KLHDC10: variants seen among roughly 807,000 people sequenced by gnomAD.
The protein encoded by KLHDC10 is kelch domain-containing protein 10.
KLHDC10 carries 24 observed loss-of-function variants against 56.1 expected under a neutral mutation model. The ratio of observed to expected loss-of-function variants is 0.43; its 90% CI spans 0.31 to 0.60. KLHDC10 has a LOEUF of 0.60. Among genes scored for constraint, KLHDC10 ranks in the 20% least tolerant of loss-of-function variants. KLHDC10 has a pLI of 0.11. For missense variants in KLHDC10, 349 were observed against 567.0 expected (o/e 0.62, Z 3.91); for synonymous variants, 188 against 207.1 (o/e 0.91, Z 0.79).
In KLHDC10 at chr7:130,123,919, A is replaced by G. The variant is rs532412525; in HGVS notation, c.780-532A>G. On this transcript the variant is annotated intron_variant, in intron 5 of 9. Coordinates refer to ENST00000335420, the MANE Select transcript of KLHDC10 (RefSeq NM_014997.4). Reference sequence around the variant, plus strand: ...TTATGTTATATCCACAGTTCTGTGTAGTATAATTTTCTGCTAAATAAGTAT... The same window carrying G: ...TTATGTTATATCCACAGTTCTGTGTGGTATAATTTTCTGCTAAATAAGTAT... 2.6e-5 allele frequency among the ~76,000 whole-genome samples: 4 copies of G among 152,352 alleles called. No individual in the cohort carries two copies. The East Asian group carries it at 7.7e-4, about 29-fold the overall frequency.
intron 2 of KLHDC10, among the ~76,000 whole-genome samples, chr7:130,109,918 C>T (rs1228837568): frequency 1.3e-5 from 2 of 152,212 alleles, no homozygotes; most frequent in Non-Finnish European, 2.9e-5. Flanking sequence ...GGATTACAGG[C>T]ATGACCCACC....
At chr7:130,099,874 G>A (rs566529389) in intron 2 of KLHDC10, among the ~76,000 whole-genome samples, 1 of 152,218 alleles carries the variant, frequency 6.6e-6, no homozygotes, top group South Asian at 2.1e-4. Flanking sequence ...GAGAATAGGG[G>A]CCGGGCATGG....
intron 6 of KLHDC10, among the ~76,000 whole-genome samples, 155 bp downstream of exon 6, chr7:130,124,690 G>A (rs1256360634): frequency 6.6e-6 from 1 of 152,132 alleles, no homozygotes; most frequent in Non-Finnish European, 1.5e-5. Flanking sequence ...TTATAAGGTC[G>A]AACCCTGTGC....
intron 2 of KLHDC10, among the ~76,000 whole-genome samples, chr7:130,108,572 A>AAAAT (rs1405437913): frequency 6.9e-5 from 10 of 144,078 alleles, no homozygotes; most frequent in East Asian, 2.1e-4. Flanking sequence ...AAAAAAAAAA[A>AAAAT]AGCTGGGCGT....
intron 1 of KLHDC10, among the ~76,000 whole-genome samples, chr7:130,084,607 G>A (rs746337797): frequency 8.6e-5 from 13 of 151,942 alleles, no homozygotes; most frequent in Admixed American, 2.0e-4. Context: ...GCGAAACCCC[G>A]TCTCTACTAA....
At chr7:130,125,761 A>C in intron 6 of KLHDC10, 104 bp from the exon 7 acceptor site, 1 of 895,268 alleles carries the variant, frequency 1.1e-6, no homozygotes, top group Non-Finnish European at 1.7e-6. Context: ...TGTGAACTGA[A>C]AACTGCTTTA....
chr7:130,132,345 C>T lies in KLHDC10; in HGVS notation c.*1599C>T, dbSNP rs979531949. 1 of 152,120 alleles carries T rather than the reference C, an allele frequency of 6.6e-6. No individual in the cohort carries two copies. Among genetic ancestry groups the T allele is most frequent in the African/African-American group, 2.4e-5 (1 of 41,406 alleles). The allele number at this position is 152,120 out of a possible 1,614,324, so 9.4% of individuals were successfully genotyped here. ...TTCATCTCAGAAGGGATCTCTTTAG[C>T]TTATGTGTGGATTTAAAATGACCTT... On this transcript the variant is annotated 3_prime_UTR_variant, in exon 10 of 10. Transcript: ENST00000335420.
chr7:130,091,979 T>A (rs1584624452), intron 1 of KLHDC10, among the ~76,000 whole-genome samples: 1 of 152,368 alleles, frequency 6.6e-6, no homozygotes, highest in East Asian at 1.9e-4. Context: ...GAATTCTAAA[T>A]GTAAAACTAT....
chr7:130,104,956 C>T (rs1249845721), intron 2 of KLHDC10, among the ~76,000 whole-genome samples: 1 of 152,148 alleles, frequency 6.6e-6, no homozygotes, highest in East Asian at 1.9e-4. Flanking sequence ...ACCATATCAG[C>T]AGGCATTTCC....
intron 2 of KLHDC10, among the ~76,000 whole-genome samples, chr7:130,107,164 T>C (rs753631216): frequency 1.3e-5 from 2 of 152,158 alleles, no homozygotes; most frequent in Admixed American, 6.5e-5. Context: ...ACCTTACCAG[T>C]GTCCTCATTA....
At chr7:130,078,231 G>A (rs989128582) in intron 1 of KLHDC10, among the ~76,000 whole-genome samples, 8 of 151,692 alleles carry the variant, frequency 5.3e-5, no homozygotes, top group Non-Finnish European at 1.0e-4. Context: ...AAAATTAGCC[G>A]GATGTGGTAG....
rs3043725 is a variant in KLHDC10, at chr7:130,107,843, C to CAAAAAAAAAAAAAAAAAA, written c.254-8595_254-8578dup. On this transcript the variant is annotated intron_variant, in intron 2 of 9. Transcript: ENST00000335420. ...TGGGCGACAGAGTGGGACTCCGTCT[C>CAAAAAAAAAAAAAAAAAA]AAAAAAAAAAAAAAAAAAAAAAAAG... 4.2e-4 allele frequency among the ~76,000 whole-genome samples: 11 copies of CAAAAAAAAAAAAAAAAAA among 26,036 alleles called. 2 individuals carry two copies. The highest frequency in any genetic ancestry group is 1.8e-3 in the East Asian group (1 of 556). The allele number at this position is 26,036 out of a possible 152,430, so 17.1% of individuals were successfully genotyped here. A position where few individuals can be genotyped will look rare whatever the true frequency, so the allele number is the denominator to read the frequency against.
intron 1 of KLHDC10, among the ~76,000 whole-genome samples, chr7:130,081,379 C>A (rs1795605348): frequency 6.6e-6 from 1 of 152,014 alleles, no homozygotes; most frequent in Admixed American, 6.6e-5. Context: ...AGTGCAGTGG[C>A]ATGATCTTGG....
Position 130,133,247 on chromosome 7 carries a change from G to A in KLHDC10, c.*2501G>A, listed in dbSNP as rs1563109160. 4 of 152,166 alleles carry A rather than the reference G, an allele frequency of 2.6e-5. No individual in the cohort carries two copies. Among genetic ancestry groups the A allele is most frequent in the Admixed American group, 2.6e-4 (4 of 15,272 alleles). The allele number at this position is 152,166 out of a possible 1,614,324, so 9.4% of individuals were successfully genotyped here. ...AGAAATTAGATAGGGGTCATCAGGC[G>A]TTTCGGTATACCTATAACCAGCACT... On this transcript the variant is annotated 3_prime_UTR_variant, in exon 10 of 10. Transcript: ENST00000335420.
chr7:130,078,517 T>C (rs985111068), intron 1 of KLHDC10, among the ~76,000 whole-genome samples: 10 of 152,020 alleles, frequency 6.6e-5, no homozygotes, highest in African/African-American at 2.4e-4. Flanking sequence ...GCGCCCTGCC[T>C]TCCTTTTCAC....
intron 2 of KLHDC10, among the ~76,000 whole-genome samples, chr7:130,099,165 C>T (rs964542300): frequency 2.9e-4 from 44 of 152,090 alleles, no homozygotes; most frequent in African/African-American, 1.0e-3. Context: ...ATTGTTCATT[C>T]TGTTTCCTTC....
At chr7:130,129,288 A>G (rs1374570815) in intron 8 of KLHDC10, 149 bp from the exon 9 acceptor site, 3 of 760,240 alleles carry the variant, frequency 3.9e-6, no homozygotes, top group Non-Finnish European at 6.4e-6. Flanking sequence ...AGACAACAGC[A>G]TGAGAGGCTG....
Position 130,130,771 on chromosome 7 carries a change from CT to C in KLHDC10, c.*26del. 3.1e-6 allele frequency: 5 copies of C among 1,595,286 alleles called. No homozygotes were observed. Among genetic ancestry groups the C allele is most frequent in the Non-Finnish European group, 4.3e-6 (5 of 1,162,926 alleles). On this transcript the variant is annotated 3_prime_UTR_variant, in exon 10 of 10. Coordinates refer to ENST00000335420, the MANE Select transcript of KLHDC10 (RefSeq NM_014997.4). This position sits in a 1 kb window ranked among gnomAD's most constrained non-coding sequence, Gnocchi z 4.2. ...AGGATTTCTGGACTGTTCATTGATA[CT>C]GGAAATGTTAATTTAAAGAGACTCC...
rs912371226 is a variant in KLHDC10, at chr7:130,133,581, C to T, written c.*2835C>T. 3 of 152,184 alleles carry T rather than the reference C, an allele frequency of 2.0e-5. No individual in the cohort carries two copies. Among genetic ancestry groups the T allele is most frequent in the Non-Finnish European group, 4.4e-5 (3 of 68,036 alleles). The allele number at this position is 152,184 out of a possible 1,614,324, so 9.4% of individuals were successfully genotyped here. A position where few individuals can be genotyped will look rare whatever the true frequency, so the allele number is the denominator to read the frequency against. On this transcript the variant is annotated 3_prime_UTR_variant, in exon 10 of 10. Coordinates refer to ENST00000335420, the MANE Select transcript of KLHDC10 (RefSeq NM_014997.4). ...ATTTTCAAGTCCATGTTTTCTTACT[C>T]CAACTCTTAGAGACTCATTGTTCCT...
Sources: allele counts gnomAD v4.1 joint callset (sites outside exome capture counted in the v4.1 genomes callset), GRCh38; gene constraint gnomAD v4.1.1; non-coding constraint Gnocchi (gnomAD v3.1); transcripts MANE v1.5; gene names NCBI Gene and HGNC (gene_info 2026-07-23, HGNC 2026-07-21).